The following MICAL3 variants were observed in gnomAD, a reference collection of about 807,000 sequenced individuals.
The protein encoded by MICAL3 is [F-actin]-monooxygenase MICAL3.
In MICAL3, 62 loss-of-function variants were observed where a neutral mutation model predicts 207.4. That is an observed-to-expected ratio of 0.30 (90% CI 0.24 to 0.37). The LOEUF (loss-of-function observed/expected upper bound fraction) is 0.37. Among genes scored for constraint, MICAL3 ranks in the 10% least tolerant of loss-of-function variants. MICAL3 has a pLI of 1.00. For missense variants in MICAL3, 2,368 were observed against 2,635.6 expected, an observed-to-expected ratio of 0.90 and a Z score of 2.22; for synonymous variants, 1,077 against 1,069.3, an observed-to-expected ratio of 1.01 and a Z score of -0.14.
At chr22:17,843,115 C>T (rs1463885602) in intron 19 of MICAL3, among the ~76,000 whole-genome samples, 9 of 74,330 alleles carry the variant, frequency 1.2e-4, no homozygotes, top group African/African-American at 5.1e-4. Flanking sequence ...AGCGAGACTT[C>T]ATCTCAAAAA....
chr22:17,878,516 C>T (rs1009820291), intron 16 of MICAL3, among the ~76,000 whole-genome samples: 3 of 152,148 alleles, frequency 2.0e-5, no homozygotes, highest in East Asian at 1.9e-4. Context: ...CTATCGGGTC[C>T]GAGGGGTAAC....
At chr22:17,925,591 G>A (rs1344896312) in intron 1 of MICAL3, among the ~76,000 whole-genome samples, 1 of 152,194 alleles carries the variant, frequency 6.6e-6, no homozygotes, top group Non-Finnish European at 1.5e-5. Context: ...AGCTGAGGAG[G>A]TCACAGCTAT....
chr22:17,956,504 T>C (rs891155649), intron 1 of MICAL3, among the ~76,000 whole-genome samples: 3 of 152,186 alleles, frequency 2.0e-5, no homozygotes, highest in Non-Finnish European at 2.9e-5. Context: ...ACCCCGTCTC[T>C]ACTAAAAATA....
intron 1 of MICAL3, chr22:18,004,595 C>A (rs1923259773): frequency 6.6e-6 from 1 of 152,340 alleles, no homozygotes; most frequent in Admixed American, 6.5e-5. Flanking sequence ...TTCCCTATCT[C>A]CCTGATGGCC....
chr22:17,832,749 A>AG (rs1199990441), intron 20 of MICAL3, among the ~76,000 whole-genome samples: 11 of 150,430 alleles, frequency 7.3e-5, no homozygotes, highest in Non-Finnish European at 1.5e-5. Flanking sequence ...TGGTGGGGGG[A>AG]GGGGGGACCC....
At chr22:17,795,293 C>T (rs1381582895) in intron 29 of MICAL3, among the ~76,000 whole-genome samples, 1 of 152,248 alleles carries the variant, frequency 6.6e-6, no homozygotes. Context: ...AAAGTGTAGT[C>T]TGTCTTCAGG....
intron 19 of MICAL3, among the ~76,000 whole-genome samples, chr22:17,857,190 C>T (rs962436155): frequency 5.9e-5 from 9 of 152,152 alleles, no homozygotes; most frequent in Admixed American, 1.3e-4. Flanking sequence ...ATAGACCCAC[C>T]GCCTGTCAGG....
In MICAL3 at chr22:17,909,729, C is replaced by T. The variant is rs115771793; in HGVS notation, c.-74-2843G>A. On this transcript the variant is annotated intron_variant, in intron 1 of 31. Transcript: ENST00000441493. Reference sequence around the variant, plus strand: ...CCATTATTTATCTTACAAGCCAAGGCTTATCTTAGAAATGTTAGAAAGTCA... The same window carrying T: ...CCATTATTTATCTTACAAGCCAAGGTTTATCTTAGAAATGTTAGAAAGTCA... Among the ~76,000 whole-genome samples, 561 of 152,292 alleles carry T rather than the reference C, an allele frequency of 3.7e-3. 3 individuals carry two copies. Among genetic ancestry groups the T allele is most frequent in the African/African-American group, 0.013 (539 of 41,560 alleles).
chr22:17,905,736 T>G (rs1301607712), intron 2 of MICAL3, among the ~76,000 whole-genome samples: 1 of 152,206 alleles, frequency 6.6e-6, no homozygotes, highest in Non-Finnish European at 1.5e-5. Context: ...CTAGGTGTTC[T>G]TCTAAGGAGG....
chr22:17,890,906 G>A (rs1402215528), intron 12 of MICAL3, among the ~76,000 whole-genome samples: 2 of 152,234 alleles, frequency 1.3e-5, no homozygotes, highest in Non-Finnish European at 1.5e-5. Context: ...GGTGAGTGGA[G>A]AATGGCCAAA....
chr22:17,861,268 G>C (rs113440330), intron 19 of MICAL3: 1 of 985,426 alleles, frequency 1.0e-6, no homozygotes, highest in East Asian at 1.1e-4. Flanking sequence ...TTCAGGATCC[G>C]AACTATGGAA....
intron 16 of MICAL3, among the ~76,000 whole-genome samples, chr22:17,873,973 T>C (rs1463693945): frequency 6.6e-6 from 1 of 152,200 alleles, no homozygotes; most frequent in Non-Finnish European, 1.5e-5. Flanking sequence ...CCATGAGCCA[T>C]TATCCCGGGG....
chr22:17,872,582 A>T (rs1345802963), intron 16 of MICAL3, among the ~76,000 whole-genome samples: 2 of 152,194 alleles, frequency 1.3e-5, no homozygotes, highest in African/African-American at 4.8e-5. Flanking sequence ...CTCACACAAC[A>T]ACTACTGCAG....
chr22:17,871,787 A>G, intron 17 of MICAL3, 50 bp downstream of exon 17: 2 of 1,519,536 alleles, frequency 1.3e-6, no homozygotes, highest in Non-Finnish European at 1.8e-6. Flanking sequence ...AGATGGAAAC[A>G]CTGTCCAAGC....
chr22:17,794,363 G>T (rs1413214668), intron 29 of MICAL3, among the ~76,000 whole-genome samples: 1 of 152,250 alleles, frequency 6.6e-6, no homozygotes, highest in Non-Finnish European at 1.5e-5. Flanking sequence ...CCAGACCCAC[G>T]TGGAATCCTC....
chr22:17,989,480 C>T (rs1306810285), intron 1 of MICAL3, among the ~76,000 whole-genome samples: 3 of 152,120 alleles, frequency 2.0e-5, no homozygotes, highest in African/African-American at 7.2e-5. Flanking sequence ...GAACCCGGTA[C>T]AGCAGCTCAT....
intron 1 of MICAL3, among the ~76,000 whole-genome samples, chr22:17,918,293 T>C (rs929930457): frequency 2.6e-5 from 4 of 151,842 alleles, no homozygotes; most frequent in South Asian, 2.1e-4. Context: ...AAAAAAAACA[T>C]TGAGGACCCA....
At position 17,864,984 on chromosome 22, in the gene MICAL3, C is replaced by A; in HGVS notation, c.2520G>T (p.Glu840Asp). ...CGCCATCCTGCAGGGGTCCTTTGGCCTCCTAGGAAAGTTCATGAGAAAAAG... is the reference window on the plus strand; with the variant it reads ...CGCCATCCTGCAGGGGTCCTTTGGCATCCTAGGAAAGTTCATGAGAAAAAG... ...RPAVAPLSGK[E>D]AKGPLQDGAT... The change falls in exon 19 of 32, where the codon GAG (glutamate) becomes GAT (aspartate). Residue 840 changes from glutamate to aspartate, a missense_variant and splice_region_variant. Physicochemically the swap from Glu to Asp is conservative, Grantham distance 45. This residue lies in a region of MICAL3 where 1,770 missense variants were observed against 1,863.2 expected (regional missense o/e 0.95). Transcript: ENST00000441493. 2 of 1,600,084 alleles carry A rather than the reference C, an allele frequency of 1.2e-6. No individual in the cohort carries two copies. The highest frequency in any genetic ancestry group is 1.7e-6 in the Non-Finnish European group (2 of 1,169,128).
Position 17,864,637 on chromosome 22 carries a change from C to G in MICAL3, c.2605+262G>C, listed in dbSNP as rs779472643. On this transcript the variant is annotated intron_variant, in intron 19 of 31. Transcript: ENST00000441493. ...GGGACAGCACTTCACGGCTCTGCCG[C>G]CCACCGGACGGCCCCATCACTGGGC... 1.9e-6 allele frequency: 3 copies of G among 1,582,032 alleles called. No homozygotes were observed. In the African/African-American group the frequency reaches 4.0e-5, roughly 21 times the overall value.
Sources: gnomAD v4.1 joint callset for allele counts (sites outside exome capture counted in the v4.1 genomes callset) on GRCh38, gnomAD v4.1.1 for gene constraint, gnomAD v4.1.1 regional missense constraint, MANE v1.5 for transcripts, NCBI Gene and HGNC (gene_info 2026-07-23, HGNC 2026-07-21) for gene names.